SPTBN5: variants seen among roughly 807,000 people sequenced by gnomAD.
SPTBN5 encodes the protein spectrin beta, non-erythrocytic 5, also known as spectrin beta chain, non-erythrocytic 5.
SPTBN5 carries 513 observed loss-of-function variants against 477.6 expected under a neutral mutation model. That is an observed-to-expected ratio of 1.07 (90% CI 1.00 to 1.16). The LOEUF (loss-of-function observed/expected upper bound fraction) is 1.16, where lower values mean the gene tolerates loss of function less well. Among genes scored for constraint, SPTBN5 ranks in the 50% most tolerant of loss-of-function variants. SPTBN5 has a pLI of 0.00. For missense variants in SPTBN5, 5,062 were observed against 4,731.8 expected, an observed-to-expected ratio of 1.07 and a Z score of -2.05; for synonymous variants, 2,169 against 2,011.7, an observed-to-expected ratio of 1.08 and a Z score of -2.09.
At position 41,848,419 on chromosome 15, in the gene SPTBN5, A is replaced by G; in HGVS notation, c.*197T>C. 1.5e-6 allele frequency: 1 copy of G among 656,820 alleles called. No homozygotes were observed. 40.7% of individuals were successfully genotyped at this position (656,820 alleles called of 1,614,324 possible). ...CCAGACAGGAATGCAGGGGGAGGCC[A>G]GGCAATGGCTGTTTCCTGCCACATG... is the stretch of plus-strand genomic sequence containing the variant. On this transcript the variant is annotated 3_prime_UTR_variant, in exon 68 of 68. Coordinates refer to ENST00000320955, the MANE Select transcript of SPTBN5 (RefSeq NM_016642.4).
rs773804389 is a variant in SPTBN5 at position 41,867,031 on chromosome 15, C to A, written c.6408G>T (p.Glu2136Asp). Residue 2136 changes from glutamate (E) to aspartate (D), a missense_variant, in exon 36 of 68, where the codon GAG becomes GAT. Transcript: ENST00000320955. ...GGGCGTGTCCCCGGCTCTCCGCCAG[C>A]TCCTTCACTCTCATCCGGCGCTGCA... ...ILLQRRMRVK[E>D]LAESRGHALH... 5 of 1,555,074 alleles carry A rather than the reference C, an allele frequency of 3.2e-6. No homozygotes were observed. In the South Asian group the frequency reaches 5.9e-5, roughly 18 times the overall value.
Position 41,887,870 on chromosome 15 carries a change from A to C in SPTBN5, c.659+58T>G, listed in dbSNP as rs79593740. 4.5e-6 allele frequency: 7 copies of C among 1,550,188 alleles called. No homozygotes were observed. The South Asian group carries it at 7.4e-5, about 16-fold the overall frequency. On this transcript the variant is annotated intron_variant, in intron 5 of 67. Coordinates refer to ENST00000320955, the MANE Select transcript of SPTBN5 (RefSeq NM_016642.4). The stretch of plus-strand genomic sequence containing the variant: ...GGGAGAACGGGTGGGCTGAGGACCC[A>C]AACCCAGGAGCTGTTGGCTCAGTGG...
Position 41,856,993 on chromosome 15 carries a change from C to T in SPTBN5, c.8668G>A (p.Glu2890Lys), listed in dbSNP as rs2065944876. The change falls in exon 52 of 68, where the codon GAG becomes AAG. Residue 2890 changes from glutamate (E) to lysine (K), a missense_variant. By Grantham distance (56) the Glu-to-Lys change is moderately conservative. Transcript: ENST00000320955. Reference sequence around the variant, plus strand: ...AACTTCAAGAGGAGGCTCCGGGCCTCCAGGGCCGTCCTGCGCTCCTGCAGG... The same window carrying T: ...AACTTCAAGAGGAGGCTCCGGGCCTTCAGGGCCGTCCTGCGCTCCTGCAGG... ...EPLQERRTAL[E>K]ARSLLLKFFR... 6.2e-7 allele frequency: 1 copy of T among 1,604,010 alleles called. No individual in the cohort carries two copies.
In SPTBN5 at chr15:41,871,784, G is replaced by T; in HGVS notation, c.5299C>A (p.Leu1767Met). The T allele has an allele frequency of 6.3e-7, 1 of 1,583,146 alleles. No homozygotes were observed. The highest frequency in any genetic ancestry group is 8.6e-7 in the Non-Finnish European group (1 of 1,164,274). The change falls in exon 28 of 68, where the codon CTG becomes ATG. Residue 1767 changes from leucine to methionine, a missense_variant and splice_region_variant. By Grantham distance (15) the Leu-to-Met change is conservative. Coordinates refer to ENST00000320955, the MANE Select transcript of SPTBN5 (RefSeq NM_016642.4). The stretch of plus-strand genomic sequence containing the variant: ...CTTGACCCTGGCCCTCTTCTCACCA[G>T]GGCGTGCTCGGGGTCCTCTCCCAGG... ...ESLGEDPEHALHLCTKFAKFQ... is the reference protein window; with the variant it reads ...ESLGEDPEHAMHLCTKFAKFQ...
At position 41,875,053 on chromosome 15, in the gene SPTBN5, C is replaced by T; in HGVS notation, c.4291G>A (p.Ala1431Thr). The change falls in exon 23 of 68, where the codon GCA (alanine) becomes ACA (threonine). Residue 1431 changes from alanine (A) to threonine (T), a missense_variant. Physicochemically the swap from Ala to Thr is moderately conservative, Grantham distance 58. Coordinates refer to ENST00000320955, the MANE Select transcript of SPTBN5 (RefSeq NM_016642.4). ...QEQLLRQLQD[A>T]KEQLEQLEGA... ...TCGAGCTGCTCCAGCTGCTCCTTTGCATCCTGGGAGGGACGCATGGAGCTG... is the reference window on the plus strand; with the variant it reads ...TCGAGCTGCTCCAGCTGCTCCTTTGTATCCTGGGAGGGACGCATGGAGCTG... 4 of 1,610,220 alleles carry T rather than the reference C, an allele frequency of 2.5e-6. No homozygotes were observed. Among genetic ancestry groups the T allele is most frequent in the South Asian group, 2.2e-5 (2 of 90,660 alleles).
In SPTBN5 at chr15:41,867,643, C is replaced by T; in HGVS notation, c.6208-1G>A. 1.2e-6 allele frequency: 2 copies of T among 1,613,260 alleles called. No homozygotes were observed. The highest frequency in any genetic ancestry group is 4.5e-5 in the East Asian group (2 of 44,886). The stretch of plus-strand genomic sequence containing the variant: ...CCAAGGCACTGGTTTTCAGGGAGAC[C>T]TGGATCCACAGAAAAGTCAGAGGCC... On this transcript the variant is annotated splice_acceptor_variant, in intron 34 of 67. Coordinates refer to ENST00000320955, the MANE Select transcript of SPTBN5 (RefSeq NM_016642.4). LOFTEE classifies it high-confidence loss of function.
rs2065749127 is a variant in SPTBN5, at chr15:41,851,229, C to T, written c.10743+54G>A. The T allele has an allele frequency of 2.6e-6, 4 of 1,561,664 alleles. No homozygotes were observed. In the East Asian group the frequency reaches 7.1e-5, roughly 28 times the overall value. ...GGGGTCCCTCTGTCCTGGGGCCCCTCTGCCTTGCTTCCCAGCACCCTGATG... is the reference window on the plus strand; with the variant it reads ...GGGGTCCCTCTGTCCTGGGGCCCCTTTGCCTTGCTTCCCAGCACCCTGATG... On this transcript the variant is annotated intron_variant, in intron 64 of 67. Coordinates refer to ENST00000320955, the MANE Select transcript of SPTBN5 (RefSeq NM_016642.4).
At position 41,877,271 on chromosome 15, in the gene SPTBN5, G is replaced by A; in HGVS notation, c.3556C>T (p.Leu1186=). 6.2e-7 allele frequency: 1 copy of A among 1,613,834 alleles called. No homozygotes were observed. Among genetic ancestry groups the A allele is most frequent in the Non-Finnish European group, 8.5e-7 (1 of 1,179,860 alleles). The change falls in exon 18 of 68, where the codon CTG becomes TTG. Residue 1186 remains leucine, a synonymous_variant. Transcript: ENST00000320955. ...TTCAGCTCCTGGCCCTGCTGCCCCAGGACCCTCAGAGTGTTGGGCACCTCT... is the reference window on the plus strand; with the variant it reads ...TTCAGCTCCTGGCCCTGCTGCCCCAAGACCCTCAGAGTGTTGGGCACCTCT... ...SQEVPNTLRV[L]GQQGQELKVL...
Position 41,866,455 on chromosome 15 carries a change from C to T in SPTBN5, c.6519G>A (p.Lys2173=). 1 of 1,597,976 alleles carries T rather than the reference C, an allele frequency of 6.3e-7. No homozygotes were observed. Among genetic ancestry groups the T allele is most frequent in the Non-Finnish European group, 8.5e-7 (1 of 1,173,492 alleles). Residue 2173 remains lysine, a synonymous_variant, in exon 37 of 68, where the codon AAG becomes AAA. Transcript: ENST00000320955. ...TCAGGTCCCCAGGAGGGACCGGCTC[C>T]TTCAGCTGCTGGGCCCACGCCTGGA... ...DWIQAWAQQL[K]EPVPPGDLRD...
chr15:41,850,943 G>A lies in SPTBN5; in HGVS notation c.10836-4C>T, dbSNP rs1178454608. The A allele has an allele frequency of 6.4e-7, 1 of 1,559,162 alleles. No individual in the cohort carries two copies. Among genetic ancestry groups the A allele is most frequent in the Non-Finnish European group, 8.6e-7 (1 of 1,162,738 alleles). ...GATCTCTGCCCCACTGGTCAGCCTG[G>A]CACCCACAGTCACAGGTCAAACTCC... On this transcript the variant is annotated splice_polypyrimidine_tract_variant and splice_region_variant and intron_variant, in intron 65 of 67. Coordinates refer to ENST00000320955, the MANE Select transcript of SPTBN5 (RefSeq NM_016642.4).
At position 41,861,969 on chromosome 15, in the gene SPTBN5, A is replaced by G. The variant is rs116570497; in HGVS notation, c.7549-46T>C. 3,521 of 1,565,624 alleles carry G rather than the reference A, an allele frequency of 2.2e-3. 49 individuals carry two copies. The African/African-American group carries it at 0.038, about 17-fold the overall frequency. On this transcript the variant is annotated intron_variant, in intron 44 of 67. Transcript: ENST00000320955. ...GATCACTGGGGGCTGGAAGCAGCCC[A>G]GCAGGCAGGAGAGAGGTGGGGAAGC...
At chr15:41,853,119 TGCCCCTTCCCA>T in intron 59 of SPTBN5, 119 bp from the exon 60 acceptor site, 1 of 1,435,424 alleles carries the variant, frequency 7.0e-7, no homozygotes. Flanking sequence ...GACCCGCACC[TGCCCCTTCCCA>T]GCCTCTCTCC....
At position 41,877,164 on chromosome 15, in the gene SPTBN5, A is replaced by C; in HGVS notation, c.3663T>G (p.Thr1221=). ...QKFGREVDGF[T]ATCANHQAWL... ...AGGCCTGGTGGTTGGCACAGGTGGC[A>C]GTGAAACCATCCACTTCTCGGCCAA... Residue 1221 remains threonine, a synonymous_variant, in exon 18 of 68, where the codon ACT becomes ACG. Coordinates refer to ENST00000320955, the MANE Select transcript of SPTBN5 (RefSeq NM_016642.4). 6.2e-7 allele frequency: 1 copy of C among 1,613,962 alleles called. No individual in the cohort carries two copies. The highest frequency in any genetic ancestry group is 8.5e-7 in the Non-Finnish European group (1 of 1,179,884).
Position 41,862,612 on chromosome 15 carries a change from C to G in SPTBN5, c.7312G>C (p.Ala2438Pro), listed in dbSNP as rs1287804305. Residue 2438 changes from alanine (A) to proline (P), a missense_variant, in exon 43 of 68, where the codon GCC (alanine) becomes CCC (proline). Ala to Pro is a conservative substitution (Grantham distance 27, BLOSUM62 -1). Coordinates refer to ENST00000320955, the MANE Select transcript of SPTBN5 (RefSeq NM_016642.4). ...TGCTGCCTGTGCCTGAGGCCGTGGG[C>G]TGCCTCGGGGCTTCTTTGGCAGAGG... The part of the protein sequence containing the change: ...GRLCQRSPEA[A>P]HGLRHRQQEV... 6.4e-7 allele frequency: 1 copy of G among 1,558,332 alleles called. No individual in the cohort carries two copies. Among genetic ancestry groups the G allele is most frequent in the Non-Finnish European group, 8.7e-7 (1 of 1,152,766 alleles).
chr15:41,874,511 G>C, intron 23 of SPTBN5, 33 bp from the exon 24 acceptor site: 1 of 1,537,434 alleles, frequency 6.5e-7, no homozygotes, highest in South Asian at 1.2e-5. Flanking sequence ...GGAGAGGTTG[G>C]GAACAGAGTG....
rs766735807 is a variant in SPTBN5 at position 41,886,168 on chromosome 15, G to A, written c.1087C>T (p.Arg363Ter). The change falls in exon 7 of 68, where the codon CGA becomes TGA. Residue 363 changes from arginine (R) to a stop codon, truncating the protein, a stop_gained. Coordinates refer to ENST00000320955, the MANE Select transcript of SPTBN5 (RefSeq NM_016642.4). LOFTEE classifies it high-confidence loss of function. ...AAGAGCAGGGCCTCTGCGGCCCCTC[G>A]CTGCTGTAGCCGGGGTGGCTTCTCC... ...TQEKPPRLQQ[R>*]GAAEALLFRL... The A allele has an allele frequency of 4.4e-5, 71 of 1,612,490 alleles. No individual in the cohort carries two copies. The highest frequency in any genetic ancestry group is 5.5e-5 in the Non-Finnish European group (65 of 1,179,650).
At position 41,863,698 on chromosome 15, in the gene SPTBN5, A is replaced by T; in HGVS notation, c.7149+6T>A. 1 of 1,611,270 alleles carries T rather than the reference A, an allele frequency of 6.2e-7. No homozygotes were observed. Among genetic ancestry groups the T allele is most frequent in the Non-Finnish European group, 8.5e-7 (1 of 1,178,290 alleles). On this transcript the variant is annotated splice_donor_region_variant and intron_variant, in intron 41 of 67. Coordinates refer to ENST00000320955, the MANE Select transcript of SPTBN5 (RefSeq NM_016642.4). ...GCCCCCACCGGGACCTCTTTCCACC[A>T]CGTACCTTCTCCTGAATCCTCTTGG...
At chr15:41,867,161 C>T (rs1447808266) in intron 35 of SPTBN5, 35 bp from the exon 36 acceptor site, 1 of 1,503,992 alleles carries the variant, frequency 6.6e-7, no homozygotes. Context: ...GCTCTCCCAC[C>T]CTGGGCTGGG....
At chr15:41,871,957 C>A in intron 27 of SPTBN5, 40 bp from the exon 28 acceptor site, 1 of 1,492,550 alleles carries the variant, frequency 6.7e-7, no homozygotes. Flanking sequence ...GTGAGTTGCC[C>A]ACCCCCCTGG....
Sources: gnomAD v4.1 joint callset for allele counts on GRCh38, gnomAD v4.1.1 for gene constraint, MANE v1.5 for transcripts, NCBI Gene and HGNC (gene_info 2026-07-23, HGNC 2026-07-21) for gene names.